Variants in ZFYVE26 observed in about 807,000 individuals in gnomAD.
The protein encoded by ZFYVE26 is zinc finger FYVE domain-containing protein 26.
ZFYVE26 carries 181 observed loss-of-function variants against 276.5 expected under a neutral mutation model. The ratio of observed to expected loss-of-function variants is 0.65; its 90% CI spans 0.58 to 0.74. The LOEUF (loss-of-function observed/expected upper bound fraction) is 0.74. Among genes scored for constraint, ZFYVE26 ranks in the 30% least tolerant of loss-of-function variants. ZFYVE26 has a pLI of 0.00. For missense variants in ZFYVE26, 2,821 were observed against 3,097.9 expected (o/e 0.91, Z 2.12); for synonymous variants, 1,129 against 1,203.1 (o/e 0.94, Z 1.27).
At chr14:67,731,435 G>A (rs942259268) in intron 13 of ZFYVE26, among the ~76,000 whole-genome samples, 3 of 151,558 alleles carry the variant, frequency 2.0e-5, no homozygotes, top group African/African-American at 7.3e-5. Context: ...GGCTGGTCTT[G>A]AACTCCTGAC....
intron 27 of ZFYVE26, among the ~76,000 whole-genome samples, chr14:67,774,578 T>C (rs560590759): frequency 8.5e-5 from 13 of 152,170 alleles, no homozygotes; most frequent in Middle Eastern, 3.4e-3. Flanking sequence ...CTGGGGCTAG[T>C]TGAATGGGAT....
At chr14:67,753,187 T>C (rs1240702146) in intron 39 of ZFYVE26, among the ~76,000 whole-genome samples, 1 of 152,244 alleles carries the variant, frequency 6.6e-6, no homozygotes, top group Non-Finnish European at 1.5e-5. Context: ...CTGGGGTATC[T>C]GCATGGAGCT....
In ZFYVE26 at chr14:67,765,234, C is replaced by A. The variant is rs141729580; in HGVS notation, c.6011+993G>T. ...TTGTTTCACCTCCTCCTGCTTTTCT[C>A]AACCTTCTAGTTTTTGTTACTAAAA... On this transcript the variant is annotated intron_variant, in intron 32 of 41. Coordinates refer to ENST00000347230, the MANE Select transcript of ZFYVE26 (RefSeq NM_015346.4). 3.3e-3 allele frequency among the ~76,000 whole-genome samples: 509 copies of A among 152,290 alleles called. 4 individuals are homozygous for A. Among genetic ancestry groups the A allele is most frequent in the African/African-American group, 0.012 (494 of 41,542 alleles).
At chr14:67,785,777 G>A in intron 18 of ZFYVE26, 81 bp downstream of exon 18, 1 of 1,590,684 alleles carries the variant, frequency 6.3e-7, no homozygotes, top group Admixed American at 1.7e-5. Flanking sequence ...CCAAGCCTCT[G>A]CTCCAAAGTG....
chr14:67,743,464 C>G (rs1376445643), downstream of ZFYVE26, among the ~76,000 whole-genome samples: 3 of 151,432 alleles, frequency 2.0e-5, no homozygotes, highest in African/African-American at 7.3e-5. Flanking sequence ...GCATTCCAGC[C>G]TGAGGGACAG....
intron 14 of ZFYVE26, among the ~76,000 whole-genome samples, chr14:67,791,574 T>C (rs77381151): frequency 9.1e-4 from 139 of 152,198 alleles, no homozygotes; most frequent in Non-Finnish European, 1.8e-3. Context: ...TAATTTTATT[T>C]TCTTGTTAAT....
chr14:67,782,901 A>T lies in ZFYVE26; in HGVS notation c.4251T>A (p.Phe1417Leu). 6.2e-7 allele frequency: 1 copy of T among 1,614,204 alleles called. No homozygotes were observed. Among genetic ancestry groups the T allele is most frequent in the Admixed American group, 1.7e-5 (1 of 60,024 alleles). ...AATCTCTGGCCACCAAGGATTCCTC[A>T]AAAGCCTCACTCAGTACATCTAGGG... is the stretch of plus-strand genomic sequence containing the variant. ...PIALDVLSEA[F>L]EESLVARDWS... is the part of the protein sequence containing the mutation. Residue 1417 changes from phenylalanine (F) to leucine (L), a missense_variant, in exon 21 of 42, where the codon TTT becomes TTA. Phe to Leu is a conservative substitution (Grantham distance 22, BLOSUM62 0). Coordinates refer to ENST00000347230, the MANE Select transcript of ZFYVE26 (RefSeq NM_015346.4).
Position 67,789,323 on chromosome 14 carries a change from C to A in ZFYVE26, c.3019+12G>T. The A allele has an allele frequency of 6.2e-7, 1 of 1,614,034 alleles. No homozygotes were observed. The highest frequency in any genetic ancestry group is 8.5e-7 in the Non-Finnish European group (1 of 1,180,038). The stretch of plus-strand genomic sequence containing the variant: ...TGAGAATGAAGGGATACAGCTAACA[C>A]AGCACACTCACCCCGCCTTTCAAGG... On this transcript the variant is annotated intron_variant, in intron 16 of 41. Transcript: ENST00000347230.
chr14:67,786,780 A>G (rs2039670788), intron 16 of ZFYVE26, among the ~76,000 whole-genome samples: 1 of 152,262 alleles, frequency 6.6e-6, no homozygotes, highest in African/African-American at 2.4e-5. Context: ...AAGATTTTGA[A>G]GCAACCTCAG....
At chr14:67,815,737 T>C (rs752484316) in intron 2 of ZFYVE26, 33 bp downstream of exon 2, 2 of 1,609,314 alleles carry the variant, frequency 1.2e-6, no homozygotes, top group African/African-American at 1.3e-5. Context: ...TCTCTCACCC[T>C]GGGACCGTCT....
chr14:67,773,254 A>G (rs1158991282), intron 27 of ZFYVE26, among the ~76,000 whole-genome samples: 2 of 152,136 alleles, frequency 1.3e-5, no homozygotes, highest in Admixed American at 1.3e-4. Context: ...CAAATTTTCC[A>G]TAATAAAAAC....
chr14:67,793,547 G>A, intron 14 of ZFYVE26, 61 bp downstream of exon 14: 2 of 1,576,160 alleles, frequency 1.3e-6, no homozygotes, highest in East Asian at 4.6e-5. Context: ...GGTTGTACAT[G>A]CTCCGAGCCT....
At chr14:67,806,790 G>A in intron 5 of ZFYVE26, 115 bp from the exon 6 acceptor site, 1 of 1,275,360 alleles carries the variant, frequency 7.8e-7, no homozygotes, top group South Asian at 1.3e-5. Context: ...CTTAGGCTGG[G>A]TTTTCCATAC....
At position 67,798,886 on chromosome 14, in the gene ZFYVE26, C is replaced by T. The variant is rs867960553; in HGVS notation, c.1640-264G>A. ...CAACCGGGCCTCCCCAGCCTTTTGG[C>T]CACCAGGCCCCGCCCCCGGGGAGGG... On this transcript the variant is annotated intron_variant, in intron 10 of 41. Coordinates refer to ENST00000347230, the MANE Select transcript of ZFYVE26 (RefSeq NM_015346.4). 3.4e-5 allele frequency: 30 copies of T among 886,034 alleles called. No homozygotes were observed. In the African/African-American group the frequency reaches 3.7e-4, roughly 11 times the overall value. 54.9% of individuals were successfully genotyped at this position (886,034 alleles called of 1,614,324 possible). A position where few individuals can be genotyped will look rare whatever the true frequency, so the allele number is the denominator to read the frequency against.
intron 13 of ZFYVE26, among the ~76,000 whole-genome samples, chr14:67,735,889 C>T (rs911150931): frequency 2.0e-5 from 3 of 152,172 alleles, no homozygotes; most frequent in African/African-American, 7.2e-5. Context: ...TTCAGAGCAC[C>T]GATTTCCTAG....
intron 9 of ZFYVE26, among the ~76,000 whole-genome samples, chr14:67,803,164 T>G (rs1020898639): frequency 8.5e-5 from 13 of 152,136 alleles, no homozygotes; most frequent in Middle Eastern, 3.2e-3. Context: ...GAGACTAGCC[T>G]GGGCAACATA....
chr14:67,756,718 C>T (rs1252284283), intron 35 of ZFYVE26, among the ~76,000 whole-genome samples: 2 of 152,186 alleles, frequency 1.3e-5, no homozygotes, highest in Admixed American at 6.5e-5. Context: ...GGAACCTACA[C>T]TCTTTTCTAT....
At chr14:67,809,426 T>TAA (rs1358983127) in intron 3 of ZFYVE26, 137 bp from the exon 4 acceptor site, 21 of 589,300 alleles carry the variant, frequency 3.6e-5, no homozygotes, top group African/African-American at 8.6e-5. Context: ...TTTTTTTTTT[T>TAA]TTTTTTTTTA....
chr14:67,757,377 T>C (rs2038805299), intron 35 of ZFYVE26, among the ~76,000 whole-genome samples: 1 of 152,232 alleles, frequency 6.6e-6, no homozygotes, highest in South Asian at 2.1e-4. Context: ...GATAGTACCC[T>C]GTCCTAGTGG....
Sources: gnomAD v4.1 joint callset for allele counts (sites outside exome capture counted in the v4.1 genomes callset) on GRCh38, gnomAD v4.1.1 for gene constraint, MANE v1.5 for transcripts, NCBI Gene and HGNC (gene_info 2026-07-23, HGNC 2026-07-21) for gene names.